The following BCAS3 variants were observed in gnomAD, a reference collection of about 807,000 sequenced individuals.
BCAS3 encodes the protein BCAS3 microtubule associated cell migration factor, also known as BCAS4/BCAS3 fusion.
In BCAS3, 53 loss-of-function variants were observed where a neutral mutation model predicts 116.1. The observed-to-expected ratio is 0.46, with a 90% confidence interval of 0.37 to 0.57. BCAS3 has a LOEUF of 0.57. BCAS3 is among the 20% of genes least tolerant of loss of function. BCAS3 has a pLI of 0.00. For synonymous variants in BCAS3, 391 were observed against 408.2 expected (o/e 0.96, Z 0.51); for missense variants, 917 against 1,165.4 (o/e 0.79, Z 3.10).
chr17:60,830,906 C>T (rs908675212), intron 7 of BCAS3, among the ~76,000 whole-genome samples: 3 of 148,806 alleles, frequency 2.0e-5, no homozygotes, highest in Non-Finnish European at 3.0e-5. Flanking sequence ...AGGTCTTACT[C>T]TGTGATCCAT....
chr17:60,761,709 G>A (rs924965926), intron 6 of BCAS3, among the ~76,000 whole-genome samples: 2 of 151,598 alleles, frequency 1.3e-5, no homozygotes, highest in African/African-American at 4.9e-5. Context: ...ATAATCCTTT[G>A]GGTATATACC....
Position 61,104,539 on chromosome 17 carries a change from G to T in BCAS3, c.2425+19975G>T, listed in dbSNP as rs553232519. Among the ~76,000 whole-genome samples the T allele has an allele frequency of 1.3e-5, 2 of 152,154 alleles. No homozygotes were observed. Among genetic ancestry groups the T allele is most frequent in the South Asian group, 4.1e-4 (2 of 4,822 alleles). ...ATTGAGATATATGCCTTTCAGATCT[G>T]CACTTCATCTCATACTTCATCATTT... On this transcript the variant is annotated intron_variant, in intron 22 of 23. Transcript: ENST00000407086. This position sits in a 1 kb window ranked among gnomAD's most constrained non-coding sequence, Gnocchi z 4.1.
chr17:60,766,061 CT>C (rs1179591634), intron 6 of BCAS3, among the ~76,000 whole-genome samples: 8 of 152,162 alleles, frequency 5.3e-5, no homozygotes, highest in Non-Finnish European at 1.0e-4. Context: ...CTTCTTTACA[CT>C]GTTTATTCTA....
At chr17:60,911,210 C>A (rs2145101756) in intron 12 of BCAS3, among the ~76,000 whole-genome samples, 2 of 132,028 alleles carry the variant, frequency 1.5e-5, no homozygotes, top group East Asian at 5.1e-4. Context: ...GCAATCTCTG[C>A]CTCCTGGATT....
At chr17:60,985,321 A>G (rs542450377) in intron 14 of BCAS3, among the ~76,000 whole-genome samples, 1 of 151,564 alleles carries the variant, frequency 6.6e-6, no homozygotes, top group South Asian at 2.1e-4. Context: ...AATTTTTTGT[A>G]TTTTTAGTAG....
chr17:60,870,019 G>A (rs1241039071), intron 8 of BCAS3, among the ~76,000 whole-genome samples: 1 of 152,116 alleles, frequency 6.6e-6, no homozygotes, highest in Non-Finnish European at 1.5e-5. Flanking sequence ...AACTGTAATT[G>A]TATATCATCT....
Position 61,122,826 on chromosome 17 carries a change from G to A in BCAS3, c.2425+38262G>A, listed in dbSNP as rs1381832008. Among the ~76,000 whole-genome samples the A allele has an allele frequency of 6.6e-6, 1 of 152,104 alleles. No homozygotes were observed. The highest frequency in any genetic ancestry group is 1.5e-5 in the Non-Finnish European group (1 of 68,022). ...TGTCAATACAGCAATGTAAGCTGATGGCTATTGGAATTCACATACAGTTTG... is the reference window on the plus strand; with the variant it reads ...TGTCAATACAGCAATGTAAGCTGATAGCTATTGGAATTCACATACAGTTTG... On this transcript the variant is annotated intron_variant, in intron 22 of 23. Transcript: ENST00000407086. This position sits in a 1 kb window ranked among gnomAD's most constrained non-coding sequence, Gnocchi z 4.6.
In BCAS3 at chr17:61,034,344, A is replaced by G. The variant is rs1266352056; in HGVS notation, c.1638-322A>G. 1.3e-5 allele frequency among the ~76,000 whole-genome samples: 2 copies of G among 152,210 alleles called. No individual in the cohort carries two copies. The highest frequency in any genetic ancestry group is 2.9e-5 in the Non-Finnish European group (2 of 68,032). On this transcript the variant is annotated intron_variant, in intron 16 of 23. Transcript: ENST00000407086. This position sits in a 1 kb window ranked among gnomAD's most constrained non-coding sequence, Gnocchi z 5.0. The stretch of plus-strand genomic sequence containing the variant: ...ATTGTGAGATGTTCATGCTGGTACT[A>G]TTGCTTCACTTTGAAATTTCTAGGG...
At chr17:60,688,615 G>T (rs2034403714) in intron 3 of BCAS3, among the ~76,000 whole-genome samples, 1 of 152,088 alleles carries the variant, frequency 6.6e-6, no homozygotes, top group African/African-American at 2.4e-5. Flanking sequence ...AGGAGTTCAA[G>T]ACCAGCCTGG....
intron 7 of BCAS3, among the ~76,000 whole-genome samples, chr17:60,835,377 T>C (rs1240415447): frequency 6.6e-6 from 1 of 152,044 alleles, no homozygotes; most frequent in African/African-American, 2.4e-5. Flanking sequence ...TTTCTTTGGT[T>C]ATTTGGAAAC....
intron 5 of BCAS3, among the ~76,000 whole-genome samples, chr17:60,739,576 C>A (rs1003506472): frequency 1.8e-4 from 28 of 151,806 alleles, no homozygotes; most frequent in African/African-American, 6.5e-4. Context: ...GCTGAGATCA[C>A]GCCATTGTAC....
At chr17:60,843,070 T>C (rs1346389496) in intron 7 of BCAS3, among the ~76,000 whole-genome samples, 1 of 151,504 alleles carries the variant, frequency 6.6e-6, no homozygotes, top group Non-Finnish European at 1.5e-5. Flanking sequence ...GAGAGGGTCT[T>C]GCTACGCTAC....
chr17:60,901,702 G>A (rs1220738701), intron 10 of BCAS3, among the ~76,000 whole-genome samples: 1 of 152,098 alleles, frequency 6.6e-6, no homozygotes, highest in Non-Finnish European at 1.5e-5. Flanking sequence ...AGAATAAAAG[G>A]ATTACATATC....
intron 22 of BCAS3, among the ~76,000 whole-genome samples, chr17:61,218,566 A>G (rs1309361699): frequency 6.6e-6 from 1 of 152,214 alleles, no homozygotes; most frequent in African/African-American, 2.4e-5. Context: ...GGATCTGCAC[A>G]GTTGCCTGCT....
chr17:61,069,200 T>C (rs757476768), intron 19 of BCAS3, among the ~76,000 whole-genome samples: 1 of 151,672 alleles, frequency 6.6e-6, no homozygotes, highest in East Asian at 1.9e-4. Flanking sequence ...CCCAAATAAA[T>C]GGAAGTCAAA....
At position 61,362,944 on chromosome 17, in the gene BCAS3, C is replaced by G. The variant is rs1393875721; in HGVS notation, c.2426-5383C>G. On this transcript the variant is annotated intron_variant, in intron 22 of 23. Transcript: ENST00000407086. This position sits in a 1 kb window ranked among gnomAD's most constrained non-coding sequence, Gnocchi z 4.4. ...ACCCTAGATATTCAGGCTCTGGTAC[C>G]CCACCCAAAGGGTGTTGACTGCAAA... is the stretch of plus-strand genomic sequence containing the variant. 1 of 152,184 alleles carries G rather than the reference C, an allele frequency of 6.6e-6. No homozygotes were observed. Among genetic ancestry groups the G allele is most frequent in the Admixed American group, 6.5e-5 (1 of 15,288 alleles). The allele number at this position is 152,184 out of a possible 1,614,324, so 9.4% of individuals were successfully genotyped here. A position where few individuals can be genotyped will look rare whatever the true frequency, so the allele number is the denominator to read the frequency against.
Position 61,164,844 on chromosome 17 carries a change from G to C in BCAS3, c.2425+80280G>C, listed in dbSNP as rs560019923. On this transcript the variant is annotated intron_variant, in intron 22 of 23. Coordinates refer to ENST00000407086, the MANE Select transcript of BCAS3 (RefSeq NM_017679.5). The stretch of plus-strand genomic sequence containing the variant: ...TCTTCATAATCTTCTAGTTCCTTAT[G>C]AGTTAGTATCCACAAATGATGGATA... 3.3e-5 allele frequency among the ~76,000 whole-genome samples: 5 copies of C among 152,342 alleles called. No homozygotes were observed. The East Asian group carries it at 7.7e-4, about 24-fold the overall frequency.
At position 61,026,979 on chromosome 17, in the gene BCAS3, G is replaced by A; in HGVS notation, c.1638-7687G>A. ...CTCTCAAAAAGTAATTTGTTTTGTA[G>A]TTTTGTTTCCAGTTGCATGGCCTGA... On this transcript the variant is annotated intron_variant, in intron 16 of 23. Transcript: ENST00000407086. This position sits in a 1 kb window ranked among gnomAD's most constrained non-coding sequence, Gnocchi z 5.0. 6.8e-7 allele frequency: 1 copy of A among 1,468,312 alleles called. No homozygotes were observed. 91.0% of individuals were successfully genotyped at this position (1,468,312 alleles called of 1,614,324 possible).
rs576089304 is a variant in BCAS3, at chr17:61,208,848, T to C, written c.2425+124284T>C. Among the ~76,000 whole-genome samples the C allele has an allele frequency of 1.9e-4, 29 of 149,390 alleles. No individual in the cohort carries two copies. In the East Asian group the frequency reaches 2.4e-3, roughly 12 times the overall value. ...TATGATATAAGTGGTGTAGAGTGGT[T>C]TTGTTGCTAAGAGAAAAGTGCTAAA... On this transcript the variant is annotated intron_variant, in intron 22 of 23. Coordinates refer to ENST00000407086, the MANE Select transcript of BCAS3 (RefSeq NM_017679.5). This position sits in a 1 kb window ranked among gnomAD's most constrained non-coding sequence, Gnocchi z 4.5.
Sources: gnomAD v4.1 joint callset for allele counts (sites outside exome capture counted in the v4.1 genomes callset) on GRCh38, gnomAD v4.1.1 for gene constraint, Gnocchi (gnomAD v3.1) non-coding constraint, MANE v1.5 for transcripts, NCBI Gene and HGNC (gene_info 2026-07-23, HGNC 2026-07-21) for gene names.